The following KANK1 variants were observed in gnomAD, a reference collection of about 807,000 sequenced individuals.
KANK1 encodes the protein KN motif and ankyrin repeat domain-containing protein 1.
Under a neutral mutation model 106.2 loss-of-function variants are expected in KANK1, and 109 were observed. The ratio of observed to expected loss-of-function variants is 1.03; its 90% confidence interval spans 0.88 to 1.20. KANK1 has a LOEUF of 1.20. Among genes scored for constraint, KANK1 ranks in the 50% most tolerant of loss-of-function variants. The probability of loss-of-function intolerance (pLI) is 0.00; values close to 1 mark genes in which losing one functional copy is unlikely to be tolerated. For missense variants in KANK1, 2,399 were observed against 1,710.7 expected, an observed-to-expected ratio of 1.40 and a Z score of -7.10; for synonymous variants, 873 against 652.2, an observed-to-expected ratio of 1.34 and a Z score of -5.16.
chr9:584,896 T>G (rs1454753528), intron 1 of KANK1, among the ~76,000 whole-genome samples: 4 of 152,176 alleles, frequency 2.6e-5, no homozygotes, highest in African/African-American at 9.6e-5. Context: ...TGGCAGGAAG[T>G]CTCTGCTTGT....
At chr9:556,735 T>C (rs1029394322) in intron 1 of KANK1, among the ~76,000 whole-genome samples, 5 of 152,200 alleles carry the variant, frequency 3.3e-5, no homozygotes, top group Non-Finnish European at 4.4e-5. Context: ...TGTTCCTGAA[T>C]AGTTTTAGTT....
At chr9:562,122 G>A (rs567133208) in intron 1 of KANK1, among the ~76,000 whole-genome samples, 4 of 133,018 alleles carry the variant, frequency 3.0e-5, no homozygotes, top group South Asian at 2.4e-4. Context: ...GCGCAATCTC[G>A]GCTCACTGCA....
At chr9:549,048 A>G (rs537882251) in intron 1 of KANK1, 28 of 152,276 alleles carry the variant, frequency 1.8e-4, no homozygotes, top group South Asian at 4.1e-4. Flanking sequence ...TTTTTTCATT[A>G]TAATTCCACC....
intron 2 of KANK1, among the ~76,000 whole-genome samples, chr9:689,080 TC>T (rs928589974): frequency 5.3e-5 from 8 of 152,162 alleles, no homozygotes; most frequent in African/African-American, 1.9e-4. Context: ...TAGTTCTGTG[TC>T]CCCCCAATTC....
At chr9:718,953 CTTTTTTTTTTTT>C (rs35097931) in intron 3 of KANK1, among the ~76,000 whole-genome samples, 4 of 78,318 alleles carry the variant, frequency 5.1e-5, no homozygotes, top group Admixed American at 1.8e-4. Context: ...TGCTCGAGCC[CTTTTTTTTTTTT>C]TTTTTTTTTT....
chr9:654,004 T>G (rs957384138), intron 1 of KANK1, among the ~76,000 whole-genome samples: 5 of 152,220 alleles, frequency 3.3e-5, no homozygotes, highest in African/African-American at 1.2e-4. Context: ...CAAAGACTGT[T>G]CATTATGCCC....
intron 1 of KANK1, among the ~76,000 whole-genome samples, chr9:531,788 C>G (rs1007121855): frequency 5.3e-5 from 8 of 152,212 alleles, no homozygotes; most frequent in Non-Finnish European, 8.8e-5. Flanking sequence ...CTTCTGGCGT[C>G]TGTCCTCACT....
rs78195542 is a variant in KANK1, at chr9:537,668, A to C, written c.-84+32914A>C. 3.7e-3 allele frequency among the ~76,000 whole-genome samples: 565 copies of C among 152,204 alleles called. 5 individuals carry two copies. Among genetic ancestry groups the C allele is most frequent in the African/African-American group, 0.013 (540 of 41,540 alleles). On this transcript the variant is annotated intron_variant, in intron 1 of 11. Transcript: ENST00000382297. ...GTGCCATTCGGAGCAGTGATTCTCA[A>C]CAGGTGGGGGTGGGAGATCGATTTT...
In KANK1 at chr9:624,803, A is replaced by G. The variant is rs939127422; in HGVS notation, c.-83-52087A>G. ...GACAGAGCGAGACTCTGTCTCAAAA[A>G]ACAAACAAAAACAATATCCCCTTTA... On this transcript the variant is annotated intron_variant, in intron 1 of 11. Coordinates refer to ENST00000382297, the MANE Select transcript of KANK1 (RefSeq NM_015158.5). Among the ~76,000 whole-genome samples the G allele has an allele frequency of 4.6e-5, 7 of 150,734 alleles. No individual in the cohort carries two copies. In the South Asian group the frequency reaches 8.3e-4, roughly 18 times the overall value.
At chr9:735,322 T>C (rs1477438518) in intron 7 of KANK1, among the ~76,000 whole-genome samples, 14 of 152,132 alleles carry the variant, frequency 9.2e-5, no homozygotes, top group African/African-American at 2.9e-4. Flanking sequence ...TTTTTAAACA[T>C]AAAAATAACC....
intron 11 of KANK1, 85 bp from the exon 12 acceptor site, chr9:745,088 G>A: frequency 6.4e-7 from 1 of 1,556,268 alleles, no homozygotes; most frequent in Non-Finnish European, 8.7e-7. Context: ...GTTGCCTGTG[G>A]TGGGCCAAGA....
chr9:684,504 G>A (rs1818167634), intron 2 of KANK1: 1 of 985,408 alleles, frequency 1.0e-6, no homozygotes, highest in African/African-American at 1.7e-5. Context: ...GCCAGTCAAA[G>A]GGTTAAAACA....
At chr9:529,432 C>T (rs1051259856) in intron 1 of KANK1, among the ~76,000 whole-genome samples, 2 of 150,816 alleles carry the variant, frequency 1.3e-5, no homozygotes, top group African/African-American at 4.9e-5. Flanking sequence ...ATCTCTCGAC[C>T]TCGTGATCCA....
rs112948383 is a variant in KANK1 at position 481,602 on chromosome 9, G to A, written c.-362+8329G>A. Among the ~76,000 whole-genome samples the A allele has an allele frequency of 3.2e-3, 490 of 152,230 alleles. 4 individuals are homozygous for A. The highest frequency in any genetic ancestry group is 0.011 in the African/African-American group (469 of 41,540). On this transcript the variant is annotated intron_variant, in intron 3 of 15. Coordinates refer to the KANK1 transcript ENST00000382303. The stretch of plus-strand genomic sequence containing the variant: ...CCATACAAAGGCAGCCAACAACGGC[G>A]GGCAAAAAGCTCATGACGGCTCATT...
At chr9:731,520 A>G (rs980183944) in intron 5 of KANK1, 6 of 303,078 alleles carry the variant, frequency 2.0e-5, no homozygotes, top group African/African-American at 1.3e-4. Context: ...TCTGAAAGAA[A>G]TAGTCTTCAG....
At chr9:525,829 A>T (rs997243040) in intron 1 of KANK1, among the ~76,000 whole-genome samples, 4 of 151,430 alleles carry the variant, frequency 2.6e-5, no homozygotes, top group Admixed American at 2.6e-4. Context: ...CTCCATTAGA[A>T]CTGGAATTGG....
At chr9:601,970 C>G (rs556970733) in intron 1 of KANK1, among the ~76,000 whole-genome samples, 2 of 151,950 alleles carry the variant, frequency 1.3e-5, no homozygotes, top group African/African-American at 4.8e-5. Flanking sequence ...ATGGTGAGCT[C>G]TTTCCTGTGA....
chr9:727,716 G>GTGTA (rs1491063708), intron 3 of KANK1, among the ~76,000 whole-genome samples: 3 of 147,470 alleles, frequency 2.0e-5, no homozygotes, highest in African/African-American at 7.6e-5. Flanking sequence ...GTGTGTGTGT[G>GTGTA]TATGTGTGTG....
chr9:721,566 A>C (rs1406099128), intron 3 of KANK1, among the ~76,000 whole-genome samples: 1 of 152,240 alleles, frequency 6.6e-6, no homozygotes, highest in Admixed American at 6.5e-5. Context: ...CAGAGAGAGA[A>C]AAATTATGTT....
Sources: gnomAD v4.1 joint callset for allele counts (sites outside exome capture counted in the v4.1 genomes callset) on GRCh38, gnomAD v4.1.1 for gene constraint, MANE v1.5 for transcripts, NCBI Gene and HGNC (gene_info 2026-07-23, HGNC 2026-07-21) for gene names.